The following DMGDH variants were observed in gnomAD, a reference collection of about 807,000 sequenced individuals.
The protein encoded by DMGDH is dimethylglycine dehydrogenase, mitochondrial.
Under a neutral mutation model 95.2 loss-of-function variants are expected in DMGDH, and 76 were observed. The ratio of observed to expected loss-of-function variants is 0.80; its 90% CI spans 0.66 to 0.97. The LOEUF (loss-of-function observed/expected upper bound fraction) is 0.97, where lower values mean the gene tolerates loss of function less well. Among genes scored for constraint, DMGDH ranks in the 50% least tolerant of loss-of-function variants. The probability of loss-of-function intolerance (pLI) is 0.00; values close to 1 mark genes in which losing one functional copy is unlikely to be tolerated. For synonymous variants in DMGDH, 345 were observed against 377.6 expected (o/e 0.91, Z 1.00); for missense variants, 987 against 1,055.0 (o/e 0.94, Z 0.89).
intron 14 of DMGDH, among the ~76,000 whole-genome samples, chr5:79,006,518 T>G (rs1433104644): frequency 6.6e-6 from 1 of 152,178 alleles, no homozygotes; most frequent in African/African-American, 2.4e-5. Flanking sequence ...CAAGCATCTC[T>G]TATGTGAAGG....
At chr5:79,020,723 G>A in intron 14 of DMGDH, 3 of 983,610 alleles carry the variant, frequency 3.0e-6, no homozygotes, top group Non-Finnish European at 3.6e-6. Flanking sequence ...AGCTCTACAC[G>A]GGGAGAGAGG....
At chr5:79,065,978 G>A (rs915162999) in intron 1 of DMGDH, among the ~76,000 whole-genome samples, 1 of 152,142 alleles carries the variant, frequency 6.6e-6, no homozygotes, top group Non-Finnish European at 1.5e-5. Flanking sequence ...ACACATTTTA[G>A]AGTAAATTGT....
In DMGDH at chr5:79,065,358, C is replaced by T. The variant is rs868531529; in HGVS notation, c.102-1571G>A. 2.6e-5 allele frequency among the ~76,000 whole-genome samples: 4 copies of T among 151,562 alleles called. 1 individual carries two copies. The South Asian group carries it at 6.3e-4, about 24-fold the overall frequency. Reference sequence around the variant, plus strand: ...TCCCGAGTAGCTGGGATTACAGACACGTACCACCACGCCCAGCTAATTTTT... The same window carrying T: ...TCCCGAGTAGCTGGGATTACAGACATGTACCACCACGCCCAGCTAATTTTT... On this transcript the variant is annotated intron_variant, in intron 1 of 15. Coordinates refer to ENST00000255189, the MANE Select transcript of DMGDH (RefSeq NM_013391.3).
intron 14 of DMGDH, among the ~76,000 whole-genome samples, chr5:79,018,064 T>G (rs1321338986): frequency 6.6e-6 from 1 of 152,246 alleles, no homozygotes; most frequent in Non-Finnish European, 1.5e-5. Flanking sequence ...TATTATTTTT[T>G]TGAGGCAGAG....
Position 79,051,460 on chromosome 5 carries a change from C to A in DMGDH, c.572G>T (p.Gly191Val). 1 of 1,614,132 alleles carries A rather than the reference C, an allele frequency of 6.2e-7. No homozygotes were observed. Among genetic ancestry groups the A allele is most frequent in the South Asian group, 1.1e-5 (1 of 91,086 alleles). The change falls in exon 5 of 16, where the codon GGT becomes GTT. Residue 191 changes from glycine to valine, a missense_variant. Gly to Val is a moderately radical substitution (Grantham distance 109). Coordinates refer to ENST00000255189, the MANE Select transcript of DMGDH (RefSeq NM_013391.3). Reference sequence around the variant, plus strand: ...AGTTAGAGAATAAGGATCAATGTGACCATCTCCAGGATTATACAATCCAGC... The same window carrying A: ...AGTTAGAGAATAAGGATCAATGTGAACATCTCCAGGATTATACAATCCAGC... ...VLAGLYNPGD[G>V]HIDPYSLTMA...
In DMGDH at chr5:79,017,929, A is replaced by G. The variant is rs146786904; in HGVS notation, c.2250+6342T>C. On this transcript the variant is annotated intron_variant, in intron 14 of 15. Coordinates refer to ENST00000255189, the MANE Select transcript of DMGDH (RefSeq NM_013391.3). ...AATCCTCCAGGTATACCAAGAGACTACTGGAGTTTTATTTGTAATAGCCCT... is the reference window on the plus strand; with the variant it reads ...AATCCTCCAGGTATACCAAGAGACTGCTGGAGTTTTATTTGTAATAGCCCT... 3.2e-4 allele frequency among the ~76,000 whole-genome samples: 48 copies of G among 152,326 alleles called. No homozygotes were observed. The East Asian group carries it at 6.2e-3, about 20-fold the overall frequency.
chr5:79,026,599 G>A lies in DMGDH; in HGVS notation c.2033-18C>T, dbSNP rs1754009344. 1.9e-6 allele frequency: 3 copies of A among 1,613,992 alleles called. No homozygotes were observed. In the East Asian group the frequency reaches 6.7e-5, roughly 36 times the overall value. ...CAGCTCACCTGAAATAAACCCACAG[G>A]TGCCACAGCAGGGCAAGAACAATGA... On this transcript the variant is annotated intron_variant, in intron 12 of 15. Coordinates refer to ENST00000255189, the MANE Select transcript of DMGDH (RefSeq NM_013391.3).
At chr5:79,057,071 A>T (rs16876428) in intron 2 of DMGDH, among the ~76,000 whole-genome samples, 10,857 of 152,270 alleles carry the variant, frequency 0.071, 861 homozygotes, top group African/African-American at 0.18. Context: ...TGGAGCCTGA[A>T]GAATAGGTGA....
chr5:79,047,298 T>C (rs1754706644), intron 5 of DMGDH, among the ~76,000 whole-genome samples: 1 of 152,112 alleles, frequency 6.6e-6, no homozygotes, highest in Non-Finnish European at 1.5e-5. Context: ...AAAAATGAGG[T>C]TAAAATGCAG....
chr5:79,058,581 C>T (rs953673449), intron 2 of DMGDH, among the ~76,000 whole-genome samples: 1 of 151,818 alleles, frequency 6.6e-6, no homozygotes, highest in African/African-American at 2.4e-5. Context: ...AGAGAAGATG[C>T]CAGAAAGGTC....
At position 79,063,702 on chromosome 5, in the gene DMGDH, T is replaced by G; in HGVS notation, c.187A>C (p.Ser63Arg). 1 of 1,614,178 alleles carries G rather than the reference T, an allele frequency of 6.2e-7. No individual in the cohort carries two copies. Among genetic ancestry groups the G allele is most frequent in the Non-Finnish European group, 8.5e-7 (1 of 1,180,024 alleles). The change falls in exon 2 of 16, where the codon AGT becomes CGT. Residue 63 changes from serine (S) to arginine (R), a missense_variant. Coordinates refer to ENST00000255189, the MANE Select transcript of DMGDH (RefSeq NM_013391.3). ...VIIGGGCVGV[S>R]LAYHLAKAGM... ...GCTTTGGCCAGGTGATAAGCCAGAC[T>G]CACACCAACACAGCCACCTCCAATT...
intron 15 of DMGDH, 138 bp from the exon 16 acceptor site, chr5:78,998,435 C>T: frequency 1.3e-6 from 1 of 756,072 alleles, no homozygotes; most frequent in East Asian, 2.7e-5. Flanking sequence ...GGGACAACGC[C>T]AGAGACACAG....
At position 79,024,312 on chromosome 5, in the gene DMGDH, G is replaced by T; in HGVS notation, c.2209C>A (p.Pro737Thr). 2 of 1,613,514 alleles carry T rather than the reference G, an allele frequency of 1.2e-6. No individual in the cohort carries two copies. Among genetic ancestry groups the T allele is most frequent in the Non-Finnish European group, 1.7e-6 (2 of 1,179,658 alleles). ...AAATATTCCAGTCCAGCTTCCAAAG[G>T]ATTTGTATCACAGTTCATCTAAAAA... ...WGLEMNCDTN[P>T]LEAGLEYFVK... The change falls in exon 14 of 16, where the codon CCT (proline) becomes ACT (threonine). Residue 737 changes from proline (P) to threonine (T), a missense_variant. Transcript: ENST00000255189.
At chr5:79,022,302 G>A (rs1373864817) in intron 14 of DMGDH, among the ~76,000 whole-genome samples, 1 of 152,152 alleles carries the variant, frequency 6.6e-6, no homozygotes, top group African/African-American at 2.4e-5. Flanking sequence ...TTGGTTTTTA[G>A]GCACAGGACT....
chr5:79,040,157 A>T (rs1407554334), intron 7 of DMGDH, among the ~76,000 whole-genome samples: 1 of 152,216 alleles, frequency 6.6e-6, no homozygotes, highest in East Asian at 1.9e-4. Flanking sequence ...AAGTGAGAGC[A>T]GTCTTGTGGA....
At chr5:79,017,850 G>A (rs1406175761) in intron 14 of DMGDH, among the ~76,000 whole-genome samples, 1 of 152,162 alleles carries the variant, frequency 6.6e-6, no homozygotes, top group African/African-American at 2.4e-5. Flanking sequence ...AGTTTCCACA[G>A]ACAAACTGCC....
chr5:79,049,243 G>A (rs775251199), intron 5 of DMGDH, among the ~76,000 whole-genome samples: 21 of 151,926 alleles, frequency 1.4e-4, no homozygotes, highest in Non-Finnish European at 5.9e-5. Flanking sequence ...TTCCTCTTCA[G>A]TGATTCCTTT....
chr5:79,000,199 T>C (rs1753430166), intron 15 of DMGDH: 8 of 606,966 alleles, frequency 1.3e-5, no homozygotes, highest in South Asian at 1.1e-4. Context: ...CACAGTTATG[T>C]TTAAAGTGAT....
chr5:79,012,146 T>G (rs1753657989), intron 14 of DMGDH, among the ~76,000 whole-genome samples: 1 of 152,258 alleles, frequency 6.6e-6, no homozygotes, highest in African/African-American at 2.4e-5. Flanking sequence ...ACCTCTAAGA[T>G]ACAATGGGGA....
Sources: gnomAD v4.1 joint callset for allele counts (sites outside exome capture counted in the v4.1 genomes callset) on GRCh38, gnomAD v4.1.1 for gene constraint, MANE v1.5 for transcripts, NCBI Gene and HGNC (gene_info 2026-07-23, HGNC 2026-07-21) for gene names.